The following ZNF804A variants were observed in gnomAD, a reference collection of about 807,000 sequenced individuals.
ZNF804A encodes the protein zinc finger protein 804A.
In ZNF804A, 2 loss-of-function variants were observed where a neutral mutation model predicts 16.5. The observed-to-expected ratio is 0.12, with a 90% CI of 0.05 to 0.38. The LOEUF is 0.38. Among genes scored for constraint, ZNF804A ranks in the 10% least tolerant of loss-of-function variants. ZNF804A has a pLI of 0.99. For missense variants in ZNF804A, 1,473 were observed against 1,390.7 expected (o/e 1.06, Z -0.94); for synonymous variants, 534 against 489.6 (o/e 1.09, Z -1.20).
At chr2:184,843,665 A>G (rs1206102865) in intron 1 of ZNF804A, among the ~76,000 whole-genome samples, 1 of 152,176 alleles carries the variant, frequency 6.6e-6, no homozygotes, top group Non-Finnish European at 1.5e-5. Flanking sequence ...TTCTCCATGA[A>G]GTTCCAGAGT....
chr2:184,719,470 T>C (rs1354240648), intron 1 of ZNF804A, among the ~76,000 whole-genome samples: 1 of 152,204 alleles, frequency 6.6e-6, no homozygotes, highest in Non-Finnish European at 1.5e-5. Flanking sequence ...ACTATCATGT[T>C]GTCAAGCTGC....
chr2:184,633,321 G>T (rs1691642445), intron 1 of ZNF804A, among the ~76,000 whole-genome samples: 1 of 152,104 alleles, frequency 6.6e-6, no homozygotes, highest in South Asian at 2.1e-4. Flanking sequence ...CTTCTATCTT[G>T]CAAACATTAC....
At chr2:184,628,522 G>T (rs1574138069) in intron 1 of ZNF804A, among the ~76,000 whole-genome samples, 1 of 152,004 alleles carries the variant, frequency 6.6e-6, no homozygotes, top group Non-Finnish European at 1.5e-5. Flanking sequence ...TTTGTATCCA[G>T]ATAAAAATAA....
At chr2:184,650,999 AAG>A (rs1691974020) in intron 1 of ZNF804A, among the ~76,000 whole-genome samples, 3 of 152,190 alleles carry the variant, frequency 2.0e-5, no homozygotes, top group African/African-American at 4.8e-5. Flanking sequence ...CCTGAGCAAA[AAG>A]AGCAAAGACA....
At chr2:184,752,538 A>G (rs1312990464) in intron 1 of ZNF804A, among the ~76,000 whole-genome samples, 1 of 151,532 alleles carries the variant, frequency 6.6e-6, no homozygotes, top group Non-Finnish European at 1.5e-5. Context: ...AATGTTCACT[A>G]TTTGCAACTG....
chr2:184,635,176 C>A (rs1022446587), intron 1 of ZNF804A, among the ~76,000 whole-genome samples: 3 of 152,054 alleles, frequency 2.0e-5, no homozygotes, highest in Admixed American at 6.6e-5. Flanking sequence ...ACCTGTCGAG[C>A]AAATAATATA....
intron 1 of ZNF804A, among the ~76,000 whole-genome samples, chr2:184,720,157 G>A (rs116677881): frequency 6.2e-4 from 94 of 152,144 alleles, no homozygotes; most frequent in African/African-American, 2.2e-3. Context: ...GATCTCATGA[G>A]ACTCATTGAC....
intron 1 of ZNF804A, among the ~76,000 whole-genome samples, chr2:184,852,955 AT>A (rs896129448): frequency 5.2e-4 from 79 of 151,398 alleles, no homozygotes; most frequent in Admixed American, 5.0e-3. Flanking sequence ...TAAATTTAGG[AT>A]TTTTTTTCTA....
At chr2:184,655,937 A>T (rs1048631658) in intron 1 of ZNF804A, among the ~76,000 whole-genome samples, 2 of 152,168 alleles carry the variant, frequency 1.3e-5, no homozygotes, top group African/African-American at 4.8e-5. Context: ...GATGAAACTC[A>T]AAGTAGGAGT....
intron 2 of ZNF804A, among the ~76,000 whole-genome samples, chr2:184,876,855 C>A (rs1185217832): frequency 6.6e-6 from 1 of 151,938 alleles, no homozygotes; most frequent in African/African-American, 2.4e-5. Flanking sequence ...AGATTTCTGT[C>A]CTGTTACCTA....
At chr2:184,831,341 G>A (rs1484657428) in intron 1 of ZNF804A, among the ~76,000 whole-genome samples, 1 of 151,722 alleles carries the variant, frequency 6.6e-6, no homozygotes, top group Non-Finnish European at 1.5e-5. Flanking sequence ...AGTATCACCT[G>A]CTCATGTGAT....
intron 1 of ZNF804A, among the ~76,000 whole-genome samples, chr2:184,780,298 G>A (rs111508345): frequency 2.0e-5 from 3 of 151,888 alleles, no homozygotes; most frequent in Admixed American, 6.6e-5. Context: ...GGAGAAGGGT[G>A]AGGCTAAATC....
chr2:184,706,192 T>C (rs1430235136), intron 1 of ZNF804A, among the ~76,000 whole-genome samples: 1 of 152,188 alleles, frequency 6.6e-6, no homozygotes, highest in Non-Finnish European at 1.5e-5. Flanking sequence ...AGTTGGTATA[T>C]TATCACACAT....
At chr2:184,802,593 ACT>A (rs1381438228) in intron 1 of ZNF804A, among the ~76,000 whole-genome samples, 1 of 151,800 alleles carries the variant, frequency 6.6e-6, no homozygotes, top group Non-Finnish European at 1.5e-5. Flanking sequence ...TTCAACTGTG[ACT>A]CTCTGAGATC....
At chr2:184,750,465 G>A (rs1042365301) in intron 1 of ZNF804A, among the ~76,000 whole-genome samples, 1 of 151,244 alleles carries the variant, frequency 6.6e-6, no homozygotes, top group African/African-American at 2.4e-5. Flanking sequence ...GTCAAATCCT[G>A]GGTACAGACA....
chr2:184,789,380 A>G (rs1022898580), intron 1 of ZNF804A, among the ~76,000 whole-genome samples: 1 of 151,836 alleles, frequency 6.6e-6, no homozygotes, highest in Non-Finnish European at 1.5e-5. Context: ...TTTCTCCTTG[A>G]TTTTTCGGAA....
chr2:184,660,544 T>C (rs1296587322), intron 1 of ZNF804A, among the ~76,000 whole-genome samples: 1 of 152,204 alleles, frequency 6.6e-6, no homozygotes, highest in Non-Finnish European at 1.5e-5. Flanking sequence ...CTCACTAAAG[T>C]TAATGAAAGG....
intron 2 of ZNF804A, among the ~76,000 whole-genome samples, chr2:184,874,288 A>C (rs17431582): frequency 0.05 from 7,656 of 152,216 alleles, 252 homozygotes; most frequent in Middle Eastern, 0.078. Flanking sequence ...AACCATGTGA[A>C]ATATATTCTA....
At chr2:184,738,854 G>A (rs1246402940) in intron 1 of ZNF804A, among the ~76,000 whole-genome samples, 6 of 152,172 alleles carry the variant, frequency 3.9e-5, no homozygotes, top group Admixed American at 6.5e-5. Flanking sequence ...CTAATTTTAT[G>A]TATGTTTTGC....
Sources: gnomAD v4.1 joint callset for allele counts (sites outside exome capture counted in the v4.1 genomes callset) on GRCh38, gnomAD v4.1.1 for gene constraint, MANE v1.5 for transcripts, NCBI Gene and HGNC (gene_info 2026-07-23, HGNC 2026-07-21) for gene names.